Variants in MYNN observed in about 807,000 individuals in gnomAD.
The protein encoded by MYNN is myoneurin.
A neutral mutation model predicts 57.2 loss-of-function variants in MYNN; 22 were observed. The observed-to-expected ratio is 0.38, with a 90% CI of 0.27 to 0.55. The LOEUF (loss-of-function observed/expected upper bound fraction) is 0.55, where lower values mean the gene tolerates loss of function less well. MYNN is among the 20% of genes least tolerant of loss of function. The pLI is 0.71. For synonymous variants in MYNN, 241 were observed against 257.1 expected (o/e 0.94, Z 0.60); for missense variants, 566 against 723.1 (o/e 0.78, Z 2.49).
intron 7 of MYNN, among the ~76,000 whole-genome samples, chr3:169,785,316 G>C (rs1042520796): frequency 6.6e-6 from 1 of 151,920 alleles, no homozygotes; most frequent in African/African-American, 2.4e-5. Context: ...TATTAAGTTA[G>C]AAACATCTAA....
chr3:169,783,424 A>T (rs137960491), intron 5 of MYNN, 53 bp from the exon 6 acceptor site: 2 of 970,824 alleles, frequency 2.1e-6, no homozygotes, highest in Non-Finnish European at 3.2e-6. Flanking sequence ...TGTAATTGAT[A>T]AATATTATAT....
chr3:169,784,523 C>CTATAAT, intron 6 of MYNN, 99 bp from the exon 7 acceptor site: 1 of 732,182 alleles, frequency 1.4e-6, no homozygotes, highest in Non-Finnish European at 2.3e-6. Flanking sequence ...AATTTAAACA[C>CTATAAT]TATAATAATT....
Position 169,778,998 on chromosome 3 carries a change from A to G in MYNN, c.497A>G (p.Asn166Ser). The G allele has an allele frequency of 6.2e-7, 1 of 1,613,896 alleles. No individual in the cohort carries two copies. The change falls in exon 3 of 8, where the codon AAT becomes AGT. Residue 166 changes from asparagine (N) to serine (S), a missense_variant. Asn to Ser is a conservative substitution (Grantham distance 46). This residue lies in a region of MYNN where 261 missense variants were observed against 280.8 expected (regional missense o/e 0.93). Coordinates refer to ENST00000349841, the MANE Select transcript of MYNN (RefSeq NM_018657.5). ...GTATCTACAGATTTGATTCAGGCAA[A>G]TCCTAAACAAGGCGCGTTAGCGAAA... ...SEVSTDLIQA[N>S]PKQGALAKKS...
At chr3:169,775,906 C>T (rs1488529680) in intron 2 of MYNN, among the ~76,000 whole-genome samples, 1 of 151,780 alleles carries the variant, frequency 6.6e-6, no homozygotes, top group Admixed American at 6.6e-5. Context: ...ATCCTTTTGA[C>T]GAGGAAACAT....
intron 7 of MYNN, among the ~76,000 whole-genome samples, chr3:169,785,079 G>GT (rs201072433): frequency 0.016 from 2,287 of 146,928 alleles, 64 homozygotes; most frequent in African/African-American, 0.054. Flanking sequence ...AAGGGGGGGG[G>GT]GGTGGTGTTA....
intron 2 of MYNN, 106 bp downstream of exon 2, chr3:169,774,667 C>T: frequency 9.9e-7 from 1 of 1,013,744 alleles, no homozygotes; most frequent in Non-Finnish European, 1.5e-6. Context: ...AATTCTTCAC[C>T]TATTTATGCA....
intron 2 of MYNN, among the ~76,000 whole-genome samples, chr3:169,774,810 C>T (rs1404770292): frequency 6.6e-6 from 1 of 152,146 alleles, no homozygotes; most frequent in Non-Finnish European, 1.5e-5. Flanking sequence ...TGTGATTTCA[C>T]TTATGTAAAC....
intron 6 of MYNN, among the ~76,000 whole-genome samples, chr3:169,784,268 C>T (rs1218770000): frequency 6.6e-6 from 1 of 151,988 alleles, no homozygotes; most frequent in Non-Finnish European, 1.5e-5. Context: ...ATGATTATTA[C>T]ACTTATTTTC....
chr3:169,786,107 GA>G (rs1466864813), intron 7 of MYNN, among the ~76,000 whole-genome samples: 2 of 152,042 alleles, frequency 1.3e-5, no homozygotes, highest in African/African-American at 4.8e-5. Context: ...ATGGCAATAA[GA>G]GAGATAGATG....
At chr3:169,775,458 A>G (rs369545827) in intron 2 of MYNN, among the ~76,000 whole-genome samples, 2 of 152,178 alleles carry the variant, frequency 1.3e-5, no homozygotes, top group African/African-American at 4.8e-5. Context: ...TGACACAGGA[A>G]GATTATAGGC....
Position 169,782,559 on chromosome 3 carries a change from G to C in MYNN, c.1315G>C (p.Gly439Arg). Residue 439 changes from glycine to arginine, a missense_variant, in exon 5 of 8, where the codon GGA becomes CGA. By Grantham distance (125) the Gly-to-Arg change is moderately radical. This residue lies in a region of MYNN where 123 missense variants were observed against 222.6 expected (regional missense o/e 0.55). Coordinates refer to ENST00000349841, the MANE Select transcript of MYNN (RefSeq NM_018657.5). This position sits in a 1 kb window ranked among gnomAD's most constrained non-coding sequence, Gnocchi z 4.8. ...GACCTATCATGTCCGTAGGCATACT[G>C]GAGAAAAGCCTTATGTATGTGATAC... ...TLTYHVRRHT[G>R]EKPYVCDTCG... 6.2e-7 allele frequency: 1 copy of C among 1,613,944 alleles called. No homozygotes were observed. Among genetic ancestry groups the C allele is most frequent in the Non-Finnish European group, 8.5e-7 (1 of 1,179,872 alleles).
Position 169,784,515 on chromosome 3 carries a change from T to A in MYNN, c.1484-107T>A, listed in dbSNP as rs529287358. The A allele has an allele frequency of 2.7e-4, 192 of 698,458 alleles. 1 individual carries two copies. Among genetic ancestry groups the A allele is most frequent in the Admixed American group, 4.5e-4 (14 of 30,914 alleles). 43.3% of individuals were successfully genotyped at this position (698,458 alleles called of 1,614,324 possible). ...ATTAAAGTGACAATTTGAAACCAAA[T>A]TTAAACACTATAATAATTTTTGCCT... is the stretch of plus-strand genomic sequence containing the variant. On this transcript the variant is annotated intron_variant, in intron 6 of 7. Coordinates refer to ENST00000349841, the MANE Select transcript of MYNN (RefSeq NM_018657.5).
intron 2 of MYNN, chr3:169,778,289 G>C (rs1297092654): frequency 6.5e-6 from 1 of 154,908 alleles, no homozygotes; most frequent in African/African-American, 2.4e-5. Context: ...AAGATTCCCG[G>C]GTGATTCACA....
intron 7 of MYNN, 60 bp downstream of exon 7, chr3:169,784,768 C>A: frequency 9.3e-7 from 1 of 1,074,492 alleles, no homozygotes; most frequent in Non-Finnish European, 1.4e-6. Context: ...CATATTAGTG[C>A]TATTCCTTAA....
chr3:169,776,694 ATTTTTTTTTTTT>A (rs10681957), intron 2 of MYNN, among the ~76,000 whole-genome samples: 2 of 105,628 alleles, frequency 1.9e-5, no homozygotes, highest in Admixed American at 1.2e-4. Flanking sequence ...TGTTGAACAA[ATTTTTTTTTTTT>A]TTTTTTTTTT....
At chr3:169,783,655 T>A in intron 6 of MYNN, 95 bp downstream of exon 6, 3 of 820,960 alleles carry the variant, frequency 3.7e-6, no homozygotes, top group Non-Finnish European at 6.5e-6. Flanking sequence ...TATATGGTAT[T>A]TAGTCATACT....
In MYNN at chr3:169,780,725, C is replaced by G. The variant is rs1174849953; in HGVS notation, c.1196C>G (p.Ser399Cys). The G allele has an allele frequency of 6.3e-7, 1 of 1,598,208 alleles. No homozygotes were observed. The highest frequency in any genetic ancestry group is 1.4e-5 in the African/African-American group (1 of 73,908). The change falls in exon 4 of 8, where the codon TCT becomes TGT. Residue 399 changes from serine (S) to cysteine (C), a missense_variant. Ser to Cys is a moderately radical substitution (Grantham distance 112). Around this residue, in one of 4 missense-constraint regions of MYNN, gnomAD observed 123 missense variants for 222.6 expected, o/e 0.55. Coordinates refer to ENST00000349841, the MANE Select transcript of MYNN (RefSeq NM_018657.5). ...CDVCNLQFAT[S>C]SNLKIHARKH... ...GTATGCAACTTACAGTTTGCAACTT[C>G]TAGCAATCTCAAGATTCATGCAAGG...
Position 169,779,331 on chromosome 3 carries a change from T to C in MYNN, c.830T>C (p.Ile277Thr). The C allele has an allele frequency of 2.5e-6, 4 of 1,614,170 alleles. No individual in the cohort carries two copies. Among genetic ancestry groups the C allele is most frequent in the East Asian group, 2.2e-5 (1 of 44,890 alleles). ...CTGAAAGAACACTCTATGTCTAATA[T>C]AGCCAGCGTCAAGAGTCCTTATGAG... ...CALKEHSMSN[I>T]ASVKSPYEAE... The change falls in exon 3 of 8, where the codon ATA (isoleucine) becomes ACA (threonine). Residue 277 changes from isoleucine to threonine, a missense_variant. Around this residue, in one of 4 missense-constraint regions of MYNN, gnomAD observed 261 missense variants for 280.8 expected, o/e 0.93. Transcript: ENST00000349841.
Position 169,779,289 on chromosome 3 carries a change from C to A in MYNN, c.788C>A (p.Ser263Ter). ...ACAGTGAAACGGAAACGTGGAAAAT[C>A]ACAGCCAAACTGTGCTCTGAAAGAA... Reference protein sequence around the residue: ...TVTVKRKRGKSQPNCALKEHS... With the variant: ...TVTVKRKRGK Residue 263 changes from serine (S) to a stop codon, truncating the protein, a stop_gained, in exon 3 of 8, where the codon TCA becomes TAA. Transcript: ENST00000349841. LOFTEE classifies it high-confidence loss of function. 1 of 1,614,148 alleles carries A rather than the reference C, an allele frequency of 6.2e-7. No homozygotes were observed. The highest frequency in any genetic ancestry group is 8.5e-7 in the Non-Finnish European group (1 of 1,180,042).
Sources: allele counts gnomAD v4.1 joint callset (sites outside exome capture counted in the v4.1 genomes callset), GRCh38; gene constraint gnomAD v4.1.1; regional missense constraint gnomAD v4.1.1; non-coding constraint Gnocchi (gnomAD v3.1); transcripts MANE v1.5; gene names NCBI Gene and HGNC (gene_info 2026-07-23, HGNC 2026-07-21).